The following KHDRBS2 variants were observed in gnomAD, a reference collection of about 807,000 sequenced individuals.
The protein encoded by KHDRBS2 is KH RNA binding domain containing, signal transduction associated 2, also known as KH domain-containing, RNA-binding, signal transduction-associated protein 2.
Under a neutral mutation model 44.3 loss-of-function variants are expected in KHDRBS2, and 26 were observed. That is an observed-to-expected ratio of 0.59 (90% CI 0.43 to 0.81). KHDRBS2 has a LOEUF of 0.81. Among genes scored for constraint, KHDRBS2 ranks in the 40% least tolerant of loss-of-function variants. The pLI, the probability that KHDRBS2 is intolerant of heterozygous loss-of-function variation, is 0.00. For missense variants in KHDRBS2, 476 were observed against 433.1 expected (o/e 1.10, Z -0.88); for synonymous variants, 194 against 151.1 (o/e 1.28, Z -2.08).
intron 6 of KHDRBS2, among the ~76,000 whole-genome samples, chr6:61,782,250 A>G (rs886073581): frequency 6.6e-6 from 1 of 152,016 alleles, no homozygotes; most frequent in Non-Finnish European, 1.5e-5. Flanking sequence ...TTCTTGTTTT[A>G]TCAGGATTCA....
chr6:61,607,035 C>T, the KHDRBS2 span, among the ~76,000 whole-genome samples: 1 of 152,104 alleles, frequency 6.6e-6, no homozygotes, highest in East Asian at 1.9e-4. Context: ...AGTCAAATAA[C>T]ACCTGACAAA....
chr6:61,794,654 A>G (rs1253248159), intron 6 of KHDRBS2, among the ~76,000 whole-genome samples: 1 of 152,156 alleles, frequency 6.6e-6, no homozygotes, highest in African/African-American at 2.4e-5. Context: ...TCTGCAAATT[A>G]GGAGACCATT....
intron 1 of KHDRBS2, among the ~76,000 whole-genome samples, chr6:62,272,051 T>C (rs1840177239): frequency 6.6e-6 from 1 of 152,178 alleles, no homozygotes; most frequent in South Asian, 2.1e-4. Context: ...GTAAATGCCC[T>C]ATATAGGTGT....
chr6:62,268,776 G>A (rs939100742), intron 1 of KHDRBS2, among the ~76,000 whole-genome samples: 3 of 151,760 alleles, frequency 2.0e-5, no homozygotes, highest in African/African-American at 7.3e-5. Context: ...GGATTACATA[G>A]CTATGTATAA....
chr6:62,178,290 T>C (rs1821551488), intron 1 of KHDRBS2, among the ~76,000 whole-genome samples: 1 of 151,540 alleles, frequency 6.6e-6, no homozygotes, highest in Admixed American at 6.6e-5. Context: ...CAAGCTTTGC[T>C]TGCTCTTGGA....
intron 6 of KHDRBS2, among the ~76,000 whole-genome samples, chr6:61,865,248 C>T (rs1797605651): frequency 1.3e-5 from 2 of 152,110 alleles, no homozygotes; most frequent in Non-Finnish European, 2.9e-5. Context: ...CATTTTTATT[C>T]ACATTCCGAA....
intron 3 of KHDRBS2, among the ~76,000 whole-genome samples, chr6:61,997,806 T>G (rs1777485736): frequency 6.6e-6 from 1 of 152,192 alleles, no homozygotes; most frequent in South Asian, 2.1e-4. Context: ...TAAGCTCCAA[T>G]GACATTCTGT....
intron 2 of KHDRBS2, among the ~76,000 whole-genome samples, chr6:62,098,871 T>G (rs1352661846): frequency 1.3e-5 from 2 of 152,182 alleles, no homozygotes; most frequent in East Asian, 3.9e-4. Flanking sequence ...AAATAGTCTG[T>G]CTTTGGGCTC....
At chr6:61,544,827 A>T in the KHDRBS2 span, among the ~76,000 whole-genome samples, 1 of 152,090 alleles carries the variant, frequency 6.6e-6, no homozygotes, top group Non-Finnish European at 1.5e-5. Context: ...AACTATCACA[A>T]GGACAAAAAA....
At chr6:61,609,945 G>A in the KHDRBS2 span, among the ~76,000 whole-genome samples, 13 of 152,174 alleles carry the variant, frequency 8.5e-5, no homozygotes, top group African/African-American at 1.4e-4. Flanking sequence ...AGGCCAAGGC[G>A]GGAGGATCAC....
chr6:61,730,373 G>A (rs1304029260), intron 7 of KHDRBS2, among the ~76,000 whole-genome samples: 1 of 152,028 alleles, frequency 6.6e-6, no homozygotes, highest in Non-Finnish European at 1.5e-5. Flanking sequence ...CCATGGTGTA[G>A]AACATATTAG....
intron 7 of KHDRBS2, among the ~76,000 whole-genome samples, chr6:61,700,014 C>A (rs1768399970): frequency 6.6e-6 from 1 of 151,766 alleles, no homozygotes; most frequent in East Asian, 2.0e-4. Flanking sequence ...ACTCAGAGTC[C>A]TCATATAGGG....
At chr6:62,000,710 G>A (rs1382315220) in intron 3 of KHDRBS2, among the ~76,000 whole-genome samples, 2 of 152,102 alleles carry the variant, frequency 1.3e-5, no homozygotes, top group Non-Finnish European at 1.5e-5. Flanking sequence ...TTATACAGGT[G>A]GGCAGGAAGG....
chr6:61,927,059 A>G (rs1809109550), intron 4 of KHDRBS2, among the ~76,000 whole-genome samples: 1 of 152,080 alleles, frequency 6.6e-6, no homozygotes, highest in African/African-American at 2.4e-5. Context: ...CTCAGAAGAA[A>G]CTGCCTAAGA....
intron 6 of KHDRBS2, among the ~76,000 whole-genome samples, chr6:61,815,928 A>T (rs1380655035): frequency 2.6e-5 from 4 of 152,308 alleles, no homozygotes; most frequent in Non-Finnish European, 1.5e-5. Context: ...AAGCTGAATC[A>T]ATAAACACAA....
chr6:62,244,664 G>T (rs1313814949), intron 1 of KHDRBS2, among the ~76,000 whole-genome samples: 2 of 151,826 alleles, frequency 1.3e-5, no homozygotes, highest in African/African-American at 4.8e-5. Flanking sequence ...ACCAATCCAG[G>T]GTCCCATTGT....
At chr6:61,784,227 ACT>A (rs1783442969) in intron 6 of KHDRBS2, among the ~76,000 whole-genome samples, 1 of 151,780 alleles carries the variant, frequency 6.6e-6, no homozygotes, top group Non-Finnish European at 1.5e-5. Context: ...GGAATCATAG[ACT>A]CATGTTCTGA....
chr6:61,895,628 A>C (rs1357767637), intron 5 of KHDRBS2, among the ~76,000 whole-genome samples: 2 of 152,204 alleles, frequency 1.3e-5, no homozygotes, highest in African/African-American at 4.8e-5. Context: ...GTTGTGGCCA[A>C]TTTTTATGGC....
At chr6:61,867,379 T>C (rs776945995) in intron 6 of KHDRBS2, among the ~76,000 whole-genome samples, 1 of 152,150 alleles carries the variant, frequency 6.6e-6, no homozygotes, top group Non-Finnish European at 1.5e-5. Context: ...TCCCACCATG[T>C]GCCTTCCACA....
Sources: allele counts gnomAD v4.1 joint callset (sites outside exome capture counted in the v4.1 genomes callset), GRCh38; gene constraint gnomAD v4.1.1; transcripts MANE v1.5; gene names NCBI Gene and HGNC (gene_info 2026-07-23, HGNC 2026-07-21).